Variants in ENTPD4 observed in about 807,000 individuals in gnomAD.
The protein encoded by ENTPD4 is Golgi UDPase.
A neutral mutation model predicts 79.1 loss-of-function variants in ENTPD4; 60 were observed. The ratio of observed to expected loss-of-function variants is 0.76; its 90% CI spans 0.62 to 0.94. ENTPD4 has a LOEUF of 0.94. Ranked by LOEUF, ENTPD4 falls within the 40% of genes least tolerant of loss-of-function variation. The pLI, the probability that ENTPD4 is intolerant of heterozygous loss-of-function variation, is 0.00. For missense variants in ENTPD4, 772 were observed against 775.1 expected (o/e 1.00, Z 0.05); for synonymous variants, 276 against 292.0 (o/e 0.95, Z 0.56).
At chr8:23,454,868 C>T (rs1244126976) in intron 1 of ENTPD4, among the ~76,000 whole-genome samples, 5 of 152,180 alleles carry the variant, frequency 3.3e-5, no homozygotes, top group African/African-American at 1.2e-4. Context: ...GGATTATTGC[C>T]TAAGAGTTAA....
At chr8:23,448,712 G>C in intron 3 of ENTPD4, 30 bp downstream of exon 3, 1 of 1,583,200 alleles carries the variant, frequency 6.3e-7, no homozygotes, top group Non-Finnish European at 8.7e-7. Flanking sequence ...AAGGCTTCTG[G>C]TCTAGAAAGC....
In ENTPD4 at chr8:23,434,412, G is replaced by A. The variant is rs765277357; in HGVS notation, c.1527C>T (p.Asn509=). The A allele has an allele frequency of 7.4e-6, 12 of 1,614,146 alleles. No individual in the cohort carries two copies. The highest frequency in any genetic ancestry group is 2.2e-5 in the South Asian group (2 of 91,084). The change falls in exon 12 of 13, where the codon AAC becomes AAT. Residue 509 remains asparagine, a synonymous_variant. Coordinates refer to ENST00000358689, the MANE Select transcript of ENTPD4 (RefSeq NM_004901.5). ...GCAAGGCAGTCTTTAAGCTTTTATA[G>A]TTGACAGGAAACGAAAAGCCCCTAT... ...VFHRGFSFPV[N]YKSLKTALQV... is the part of the protein sequence containing the mutation.
At chr8:23,445,660 T>C (rs1435225764) in intron 4 of ENTPD4, among the ~76,000 whole-genome samples, 1 of 152,188 alleles carries the variant, frequency 6.6e-6, no homozygotes, top group African/African-American at 2.4e-5. Context: ...CTTGTTAAAT[T>C]CCATGCTTAC....
intron 9 of ENTPD4, 122 bp from the exon 10 acceptor site, chr8:23,437,380 T>G: frequency 1.5e-6 from 1 of 684,606 alleles, no homozygotes; most frequent in Non-Finnish European, 2.4e-6. Flanking sequence ...GGACCGTGTC[T>G]GTGGAACAGA....
At chr8:23,435,533 T>C in intron 10 of ENTPD4, 56 bp from the exon 11 acceptor site, 1 of 1,330,300 alleles carries the variant, frequency 7.5e-7, no homozygotes, top group Non-Finnish European at 1.1e-6. Context: ...AAATTCTCAC[T>C]TTAAAAATGG....
rs932101918 is a variant in ENTPD4 at position 23,430,693 on chromosome 8, C to G, written c.*2233G>C. On this transcript the variant is annotated 3_prime_UTR_variant, in exon 13 of 13. Coordinates refer to ENST00000358689, the MANE Select transcript of ENTPD4 (RefSeq NM_004901.5). ...TCAGGATCCTCAGGTATGTGACTAA[C>G]TCTTCTATGCCCAGAGCTGGAAGGC... 1.0e-6 allele frequency: 1 copy of G among 985,366 alleles called. No homozygotes were observed. Among genetic ancestry groups the G allele is most frequent in the Non-Finnish European group, 1.2e-6 (1 of 829,980 alleles). The allele number at this position is 985,366 out of a possible 1,614,324, so 61.0% of individuals were successfully genotyped here.
Position 23,432,801 on chromosome 8 carries a change from ATTTTGT to A in ENTPD4, c.*119_*124del, listed in dbSNP as rs1227608295. The A allele has an allele frequency of 6.9e-7, 1 of 1,442,804 alleles. No individual in the cohort carries two copies. Among genetic ancestry groups the A allele is most frequent in the African/African-American group, 1.4e-5 (1 of 69,736 alleles). The allele number at this position is 1,442,804 out of a possible 1,614,324, so 89.4% of individuals were successfully genotyped here. A position where few individuals can be genotyped will look rare whatever the true frequency, so the allele number is the denominator to read the frequency against. ...GCGTGAGCCACCGCGCTCGGCCTGC[ATTTTGT>A]TTTTGTTTGGAGGAACAAAAAAGGG... On this transcript the variant is annotated 3_prime_UTR_variant, in exon 13 of 13. Transcript: ENST00000358689.
At chr8:23,455,454 C>T (rs1269912293) in intron 1 of ENTPD4, among the ~76,000 whole-genome samples, 1 of 152,186 alleles carries the variant, frequency 6.6e-6, no homozygotes, top group African/African-American at 2.4e-5. Flanking sequence ...GATGTGGAGG[C>T]TGCCGGGTGG....
At chr8:23,441,756 A>G in intron 7 of ENTPD4, 33 bp from the exon 8 acceptor site, 1 of 1,606,980 alleles carries the variant, frequency 6.2e-7, no homozygotes, top group Non-Finnish European at 8.5e-7. Flanking sequence ...ACTGGAACAG[A>G]ACTAATCCAG....
At chr8:23,441,502 C>A (rs1020177383) in intron 8 of ENTPD4, 67 bp downstream of exon 8, 1 of 1,581,336 alleles carries the variant, frequency 6.3e-7, no homozygotes, top group East Asian at 2.3e-5. Flanking sequence ...GAAAACAAAA[C>A]AAGAACGATG....
intron 1 of ENTPD4, among the ~76,000 whole-genome samples, chr8:23,451,146 C>G (rs374635749): frequency 1.8e-4 from 27 of 152,054 alleles, no homozygotes; most frequent in Middle Eastern, 3.4e-3. Context: ...CTCAGCCTCC[C>G]GAGTAGCTGG....
chr8:23,431,098 G>T lies in ENTPD4; in HGVS notation c.*1828C>A. On this transcript the variant is annotated 3_prime_UTR_variant, in exon 13 of 13. Coordinates refer to ENST00000358689, the MANE Select transcript of ENTPD4 (RefSeq NM_004901.5). ...ACCTTCCAGAGACGCAGGTTAAGCT[G>T]CACCTGAGGCAGTTTGAGCCACAAC... is the stretch of plus-strand genomic sequence containing the variant. 1 of 560,054 alleles carries T rather than the reference G, an allele frequency of 1.8e-6. No individual in the cohort carries two copies. The highest frequency in any genetic ancestry group is 2.3e-6 in the Non-Finnish European group (1 of 441,698). 34.7% of individuals were successfully genotyped at this position (560,054 alleles called of 1,614,324 possible).
In ENTPD4 at chr8:23,448,900, A is replaced by G. The variant is rs368498638; in HGVS notation, c.48T>C (p.Phe16=). 3.7e-6 allele frequency: 6 copies of G among 1,613,966 alleles called. No homozygotes were observed. Among genetic ancestry groups the G allele is most frequent in the Non-Finnish European group, 5.1e-6 (6 of 1,179,964 alleles). The change falls in exon 3 of 13, where the codon TTT becomes TTC. Residue 16 remains phenylalanine (F), a synonymous_variant. Transcript: ENST00000358689. ...GAGGACACCCTACTGGAGATATGCT[A>G]AAATGCCAAGAAGCAGGAAAAAGAC... The part of the protein sequence containing the change: ...ISCLFPASWH[F]SISPVGCPRI...
chr8:23,439,704 G>A, intron 9 of ENTPD4, 45 bp downstream of exon 9: 1 of 1,591,994 alleles, frequency 6.3e-7, no homozygotes, highest in African/African-American at 1.3e-5. Context: ...TATGAGGAGA[G>A]ACCTAGGTTT....
Position 23,430,014 on chromosome 8 carries a change from GA to G in ENTPD4, c.*2911del. The G allele has an allele frequency of 1.0e-6, 1 of 985,436 alleles. No homozygotes were observed. Among genetic ancestry groups the G allele is most frequent in the Non-Finnish European group, 1.2e-6 (1 of 829,930 alleles). The allele number at this position is 985,436 out of a possible 1,614,324, so 61.0% of individuals were successfully genotyped here. A position where few individuals can be genotyped will look rare whatever the true frequency, so the allele number is the denominator to read the frequency against. On this transcript the variant is annotated 3_prime_UTR_variant, in exon 13 of 13. Coordinates refer to ENST00000358689, the MANE Select transcript of ENTPD4 (RefSeq NM_004901.5). ...AAGATTGAACACAATGCTTTTCTTT[GA>G]TAAAGCTTTGGGCAAGTTCCTAGTC...
At position 23,448,914 on chromosome 8, in the gene ENTPD4, C is replaced by T. The variant is rs1471887247; in HGVS notation, c.34G>A (p.Ala12Thr). 1 of 1,613,610 alleles carries T rather than the reference C, an allele frequency of 6.2e-7. No individual in the cohort carries two copies. Residue 12 changes from alanine (A) to threonine (T), a missense_variant, in exon 3 of 13, where the codon GCT becomes ACT. By Grantham distance (58) the Ala-to-Thr change is moderately conservative. Coordinates refer to ENST00000358689, the MANE Select transcript of ENTPD4 (RefSeq NM_004901.5). ...GGAGATATGCTAAAATGCCAAGAAG[C>T]AGGAAAAAGACAGGAGATGCCAATC... ...GRIGISCLFP[A>T]SWHFSISPVG...
At chr8:23,455,862 C>G in intron 1 of ENTPD4, among the ~76,000 whole-genome samples, 1 of 152,180 alleles carries the variant, frequency 6.6e-6, no homozygotes, top group Non-Finnish European at 1.5e-5. Context: ...CCTGGATTAC[C>G]TGGTTCTCAG....
At chr8:23,450,924 T>C (rs1239179897) in intron 1 of ENTPD4, among the ~76,000 whole-genome samples, 1 of 152,082 alleles carries the variant, frequency 6.6e-6, no homozygotes, top group East Asian at 1.9e-4. Context: ...GCCCCCGCAG[T>C]CCCAATCTTG....
chr8:23,451,555 G>C (rs1353181715), intron 1 of ENTPD4, among the ~76,000 whole-genome samples: 1 of 152,038 alleles, frequency 6.6e-6, no homozygotes, highest in African/African-American at 2.4e-5. Context: ...TCAGGACCCC[G>C]ATCAGATTAC....
Sources: allele counts gnomAD v4.1 joint callset (sites outside exome capture counted in the v4.1 genomes callset), GRCh38; gene constraint gnomAD v4.1.1; transcripts MANE v1.5; gene names NCBI Gene and HGNC (gene_info 2026-07-23, HGNC 2026-07-21).